CWH43: variants seen among roughly 807,000 people sequenced by gnomAD.
The protein encoded by CWH43 is PGAP2-interacting protein.
A neutral mutation model predicts 85.7 loss-of-function variants in CWH43; 91 were observed. That is an observed-to-expected ratio of 1.06 (90% confidence interval 0.90 to 1.26). The LOEUF (loss-of-function observed/expected upper bound fraction) is 1.26, where lower values mean the gene tolerates loss of function less well. CWH43 is among the 50% of genes most tolerant of loss of function. The pLI is 0.00. For missense variants in CWH43, 869 were observed against 839.2 expected (o/e 1.04, Z -0.44); for synonymous variants, 323 against 293.6 (o/e 1.10, Z -1.02).
At chr4:49,001,010 C>G (rs1435619362) in intron 6 of CWH43, among the ~76,000 whole-genome samples, 2 of 152,016 alleles carry the variant, frequency 1.3e-5, no homozygotes, top group Non-Finnish European at 2.9e-5. Flanking sequence ...TGATTCATCT[C>G]TGGAAACCAC....
At position 49,038,151 on chromosome 4, in the gene CWH43, C is replaced by T. The variant is rs779834175; in HGVS notation, c.1774C>T (p.Leu592=). The T allele has an allele frequency of 6.2e-6, 10 of 1,605,994 alleles. No homozygotes were observed. In the Admixed American group the frequency reaches 1.5e-4, roughly 25 times the overall value. The stretch of plus-strand genomic sequence containing the variant: ...TTCAGCACCTGGCTCCAGAGATTAT[C>T]TACAGCTCACTGAACATGGCAATGT... ...ITSAPGSRDY[L]QLTEHGNVKD... is the part of the protein sequence containing the mutation. Residue 592 remains leucine, a synonymous_variant, in exon 13 of 16, where the codon CTA becomes TTA. Transcript: ENST00000226432.
intron 15 of CWH43, among the ~76,000 whole-genome samples, chr4:49,061,201 T>G (rs1466330247): frequency 6.6e-6 from 1 of 152,162 alleles, no homozygotes; most frequent in Non-Finnish European, 1.5e-5. Context: ...AAGGTGATGT[T>G]AAATTTGATA....
chr4:49,049,410 G>A (rs1052450982), intron 14 of CWH43, among the ~76,000 whole-genome samples: 1 of 151,978 alleles, frequency 6.6e-6, no homozygotes, highest in African/African-American at 2.4e-5. Flanking sequence ...TATTGCAGTG[G>A]CCTCATAACT....
chr4:49,017,419 C>T (rs1053756458), intron 9 of CWH43, 91 bp downstream of exon 9: 1 of 898,422 alleles, frequency 1.1e-6, no homozygotes. Context: ...GAACCTGGAT[C>T]TGATGACTTC....
intron 15 of CWH43, among the ~76,000 whole-genome samples, chr4:49,055,913 C>CT (rs71191286): frequency 0.015 from 2,128 of 141,986 alleles, 40 homozygotes; most frequent in African/African-American, 0.047. Flanking sequence ...TTCTTTTTTT[C>CT]TTTTTTTTTT....
chr4:49,048,012 G>A (rs1005930670), intron 14 of CWH43, among the ~76,000 whole-genome samples: 4 of 152,224 alleles, frequency 2.6e-5, no homozygotes, highest in Non-Finnish European at 5.9e-5. Context: ...AGAAGGTGCT[G>A]AAGGGTGAGT....
intron 8 of CWH43, among the ~76,000 whole-genome samples, chr4:49,010,479 G>A (rs375249062): frequency 3.4e-4 from 51 of 151,870 alleles, no homozygotes; most frequent in African/African-American, 7.2e-4. Flanking sequence ...ATCTCCTTTC[G>A]TTCTGCTCTG....
intron 15 of CWH43, among the ~76,000 whole-genome samples, chr4:49,058,316 A>G (rs1785032267): frequency 1.3e-5 from 2 of 152,154 alleles, no homozygotes; most frequent in South Asian, 4.1e-4. Context: ...TATTTATTTT[A>G]AGCTGAAAAC....
chr4:49,038,256 A>G, intron 13 of CWH43, 76 bp downstream of exon 13: 2 of 1,327,184 alleles, frequency 1.5e-6, no homozygotes, highest in East Asian at 4.8e-5. Flanking sequence ...AAAAAAACCA[A>G]CCTCACCTAA....
At chr4:49,012,374 A>G (rs1312432000) in intron 8 of CWH43, among the ~76,000 whole-genome samples, 1 of 152,184 alleles carries the variant, frequency 6.6e-6, no homozygotes, top group East Asian at 1.9e-4. Flanking sequence ...CCATTCGTCT[A>G]ACATTTTTCA....
At chr4:49,044,974 G>A (rs1431697579) in intron 14 of CWH43, 127 bp downstream of exon 14, 13 of 674,620 alleles carry the variant, frequency 1.9e-5, no homozygotes, top group Non-Finnish European at 3.1e-5. Context: ...AGCAATCAAT[G>A]TTTATAAACA....
chr4:49,016,755 C>A (rs774329751), intron 8 of CWH43: 5 of 777,900 alleles, frequency 6.4e-6, no homozygotes, highest in South Asian at 5.4e-5. Flanking sequence ...GCCAGCTTCC[C>A]TTGCATCTAG....
intron 7 of CWH43, among the ~76,000 whole-genome samples, chr4:49,004,967 G>A (rs1319151799): frequency 1.3e-5 from 2 of 152,166 alleles, no homozygotes; most frequent in East Asian, 1.9e-4. Flanking sequence ...TACATAAATC[G>A]AATGTTGTGA....
intron 14 of CWH43, among the ~76,000 whole-genome samples, chr4:49,046,021 C>T (rs1193800850): frequency 6.6e-6 from 1 of 152,098 alleles, no homozygotes; most frequent in Non-Finnish European, 1.5e-5. Context: ...TCCCTGTTCT[C>T]CCCCATTGCT....
At chr4:49,044,938 A>G in intron 14 of CWH43, 91 bp downstream of exon 14, 1 of 994,704 alleles carries the variant, frequency 1.0e-6, no homozygotes, top group Non-Finnish European at 1.5e-6. Context: ...TATGGAAGCA[A>G]TTAATTTTTG....
chr4:48,992,139 A>T lies in CWH43; in HGVS notation c.511+49A>T, dbSNP rs758755610. Reference sequence around the variant, plus strand: ...TCTCTTTGCAGAGCTTACCTTTCCTATGTGAATGTTGCACATCTTGGAAAG... The same window carrying T: ...TCTCTTTGCAGAGCTTACCTTTCCTTTGTGAATGTTGCACATCTTGGAAAG... On this transcript the variant is annotated intron_variant, in intron 4 of 15. Coordinates refer to ENST00000226432, the MANE Select transcript of CWH43 (RefSeq NM_025087.3). This position sits in a 1 kb window ranked among gnomAD's most constrained non-coding sequence, Gnocchi z 4.3. 11 of 1,458,710 alleles carry T rather than the reference A, an allele frequency of 7.5e-6. No homozygotes were observed. Among genetic ancestry groups the T allele is most frequent in the Non-Finnish European group, 1.0e-5 (11 of 1,053,962 alleles). 90.4% of individuals were successfully genotyped at this position (1,458,710 alleles called of 1,614,324 possible).
At chr4:49,035,013 G>T (rs906965260) in intron 12 of CWH43, among the ~76,000 whole-genome samples, 5 of 152,132 alleles carry the variant, frequency 3.3e-5, no homozygotes, top group African/African-American at 1.2e-4. Context: ...CTCATTCCTT[G>T]CTTTAGGAAC....
At position 48,992,190 on chromosome 4, in the gene CWH43, C is replaced by T. The variant is rs940624959; in HGVS notation, c.511+100C>T. 4.9e-6 allele frequency: 5 copies of T among 1,022,906 alleles called. No individual in the cohort carries two copies. Among genetic ancestry groups the T allele is most frequent in the Non-Finnish European group, 7.2e-6 (5 of 694,466 alleles). The allele number at this position is 1,022,906 out of a possible 1,614,324, so 63.4% of individuals were successfully genotyped here. ...AAAATCTATAAAAGTAGTCTTTCTG[C>T]ATTATATCTATATTTCAGCTTTTTC... On this transcript the variant is annotated intron_variant, in intron 4 of 15. Coordinates refer to ENST00000226432, the MANE Select transcript of CWH43 (RefSeq NM_025087.3). This position sits in a 1 kb window ranked among gnomAD's most constrained non-coding sequence, Gnocchi z 4.3.
intron 15 of CWH43, among the ~76,000 whole-genome samples, chr4:49,061,063 G>C (rs552369007): frequency 7.9e-5 from 12 of 151,974 alleles, no homozygotes; most frequent in Non-Finnish European, 1.6e-4. Flanking sequence ...TTAGCTAATC[G>C]ATTTTGTTAT....
Sources: allele counts gnomAD v4.1 joint callset (sites outside exome capture counted in the v4.1 genomes callset), GRCh38; gene constraint gnomAD v4.1.1; non-coding constraint Gnocchi (gnomAD v3.1); transcripts MANE v1.5; gene names NCBI Gene and HGNC (gene_info 2026-07-23, HGNC 2026-07-21).